The following CACNB2 variants were observed in gnomAD, a reference collection of about 807,000 sequenced individuals.
CACNB2 encodes voltage-dependent L-type calcium channel subunit beta-2.
A neutral mutation model predicts 73.3 loss-of-function variants in CACNB2; 42 were observed. That is an observed-to-expected ratio of 0.57 (90% CI 0.45 to 0.74). The LOEUF is 0.74. Ranked by LOEUF, CACNB2 falls within the 30% of genes least tolerant of loss-of-function variation. The probability of loss-of-function intolerance (pLI) is 0.00; values close to 1 mark genes in which losing one functional copy is unlikely to be tolerated. For synonymous variants in CACNB2, 348 were observed against 310.3 expected (o/e 1.12, Z -1.28); for missense variants, 940 against 853.0 (o/e 1.10, Z -1.27).
At chr10:18,296,536 G>A (rs1031768010) in intron 2 of CACNB2, among the ~76,000 whole-genome samples, 2 of 152,082 alleles carry the variant, frequency 1.3e-5, no homozygotes, top group African/African-American at 2.4e-5. Flanking sequence ...AAACCTGAGA[G>A]ATCACACCAG....
chr10:18,525,124 T>C (rs1311636181), intron 9 of CACNB2, among the ~76,000 whole-genome samples: 1 of 151,884 alleles, frequency 6.6e-6, no homozygotes, highest in African/African-American at 2.4e-5. Context: ...CCAGCCAAAA[T>C]TAATTTGTCT....
intron 2 of CACNB2, among the ~76,000 whole-genome samples, chr10:18,165,384 C>T (rs557059535): frequency 6.6e-6 from 1 of 152,182 alleles, no homozygotes; most frequent in Admixed American, 6.5e-5. Flanking sequence ...CAGAGAGAAA[C>T]GATGTCACTG....
At chr10:18,497,951 T>C (rs937215585) in intron 3 of CACNB2, among the ~76,000 whole-genome samples, 1 of 152,212 alleles carries the variant, frequency 6.6e-6, no homozygotes. Flanking sequence ...GATTAATTAA[T>C]TAAAGTAGAT....
At chr10:18,398,198 A>G (rs1443298537) in intron 2 of CACNB2, among the ~76,000 whole-genome samples, 3 of 152,224 alleles carry the variant, frequency 2.0e-5, no homozygotes, top group Admixed American at 2.0e-4. Context: ...CACTCCCACA[A>G]GAAAGGAGAT....
chr10:18,326,483 G>T (rs2040594222), intron 2 of CACNB2, among the ~76,000 whole-genome samples: 1 of 152,178 alleles, frequency 6.6e-6, no homozygotes, highest in Non-Finnish European at 1.5e-5. Flanking sequence ...GAAGGAGCGG[G>T]TGGAAGTAAA....
At chr10:18,171,910 C>T (rs1355901996) in intron 2 of CACNB2, among the ~76,000 whole-genome samples, 1 of 152,102 alleles carries the variant, frequency 6.6e-6, no homozygotes, top group African/African-American at 2.4e-5. Flanking sequence ...CCACTATGTG[C>T]AGAGCAAAAG....
Position 18,539,981 on chromosome 10 carries a change from T to C in CACNB2, c.*257T>C. The stretch of plus-strand genomic sequence containing the variant: ...ATACTGGACTCTTCAAAAACTGTTT[T>C]GGGTAGCTGCCACTTGAACAAAATC... On this transcript the variant is annotated 3_prime_UTR_variant, in exon 14 of 14. Coordinates refer to ENST00000324631, the MANE Select transcript of CACNB2 (RefSeq NM_201596.3). 1 of 394,994 alleles carries C rather than the reference T, an allele frequency of 2.5e-6. No homozygotes were observed. The highest frequency in any genetic ancestry group is 4.6e-6 in the Non-Finnish European group (1 of 219,346). The allele number at this position is 394,994 out of a possible 1,614,324, so 24.5% of individuals were successfully genotyped here. A position where few individuals can be genotyped will look rare whatever the true frequency, so the allele number is the denominator to read the frequency against.
At chr10:18,226,614 A>T (rs752821287) in intron 2 of CACNB2, among the ~76,000 whole-genome samples, 1 of 152,150 alleles carries the variant, frequency 6.6e-6, no homozygotes, top group South Asian at 2.1e-4. Context: ...CTTGAGATTC[A>T]TGAGCGTGTG....
chr10:18,164,279 C>T (rs1204517575), intron 2 of CACNB2, among the ~76,000 whole-genome samples: 6 of 152,148 alleles, frequency 3.9e-5, no homozygotes, highest in Non-Finnish European at 8.8e-5. Context: ...GAACCAGTGC[C>T]ACTGACTAAT....
chr10:18,503,100 C>T (rs2050297607), intron 5 of CACNB2, among the ~76,000 whole-genome samples: 1 of 151,816 alleles, frequency 6.6e-6, no homozygotes, highest in South Asian at 2.1e-4. Context: ...TTTTGATATG[C>T]AATATTAAAT....
At chr10:18,261,445 G>T in intron 2 of CACNB2, 2 of 1,273,376 alleles carry the variant, frequency 1.6e-6, no homozygotes, top group Non-Finnish European at 2.2e-6. Context: ...CGATCATTTC[G>T]TACCATGAGT....
At chr10:18,399,503 AG>A (rs2043882169) in intron 2 of CACNB2, among the ~76,000 whole-genome samples, 1 of 152,108 alleles carries the variant, frequency 6.6e-6, no homozygotes, top group Admixed American at 6.6e-5. Flanking sequence ...AGATTATATT[AG>A]TGCAGAGTGC....
chr10:18,222,407 T>TACACACAC (rs59165053), intron 2 of CACNB2, among the ~76,000 whole-genome samples: 72,098 of 149,638 alleles, frequency 0.48, 18,611 homozygotes, highest in Middle Eastern at 0.62. Flanking sequence ...CACACACACA[T>TACACACAC]ACACACACAC....
At chr10:18,316,041 G>T (rs1564429844) in intron 2 of CACNB2, among the ~76,000 whole-genome samples, 1 of 152,174 alleles carries the variant, frequency 6.6e-6, no homozygotes, top group Non-Finnish European at 1.5e-5. Flanking sequence ...AGTAATGGCT[G>T]TATTTGACAA....
chr10:18,300,622 G>T (rs965397390), intron 2 of CACNB2, among the ~76,000 whole-genome samples: 2 of 152,072 alleles, frequency 1.3e-5, no homozygotes, highest in South Asian at 4.1e-4. Context: ...GCAATCTGAC[G>T]GGTGAATCAC....
At chr10:18,153,308 T>C (rs1421223643) in intron 2 of CACNB2, among the ~76,000 whole-genome samples, 2 of 152,156 alleles carry the variant, frequency 1.3e-5, no homozygotes, top group Non-Finnish European at 2.9e-5. Flanking sequence ...AGGCGTATCA[T>C]TGAAAACCCT....
At chr10:18,348,602 C>T (rs2041573762) in intron 2 of CACNB2, among the ~76,000 whole-genome samples, 1 of 152,098 alleles carries the variant, frequency 6.6e-6, no homozygotes, top group Non-Finnish European at 1.5e-5. Context: ...CAACCTCCAC[C>T]TCCTGATTCT....
chr10:18,228,401 C>G (rs1342250664), intron 2 of CACNB2, among the ~76,000 whole-genome samples: 3 of 79,800 alleles, frequency 3.8e-5, no homozygotes, highest in East Asian at 3.1e-4. Context: ...ACATTGCACT[C>G]CAGCCTGAGC....
chr10:18,153,482 C>A (rs2031772358), intron 2 of CACNB2, among the ~76,000 whole-genome samples: 1 of 151,730 alleles, frequency 6.6e-6, no homozygotes, highest in South Asian at 2.1e-4. Flanking sequence ...CATAAGATAG[C>A]CAGATATTTA....
Sources: gnomAD v4.1 joint callset for allele counts (sites outside exome capture counted in the v4.1 genomes callset) on GRCh38, gnomAD v4.1.1 for gene constraint, MANE v1.5 for transcripts, NCBI Gene and HGNC (gene_info 2026-07-23, HGNC 2026-07-21) for gene names.